PCDHGA5: variants seen among roughly 807,000 people sequenced by gnomAD.
PCDHGA5 encodes the protein protocadherin gamma subfamily A, 5.
PCDHGA5 carries 36 observed loss-of-function variants against 56.7 expected under a neutral mutation model. That is an observed-to-expected ratio of 0.64 (90% CI 0.49 to 0.84). PCDHGA5 has a LOEUF of 0.84. Ranked by LOEUF, PCDHGA5 falls within the 40% of genes least tolerant of loss-of-function variation. The pLI is 0.00. For synonymous variants in PCDHGA5, 563 were observed against 520.2 expected (o/e 1.08, Z -1.12); for missense variants, 1,305 against 1,201.5 (o/e 1.09, Z -1.27).
At chr5:141,480,873 C>T (rs1026513782) in intron 1 of PCDHGA5, among the ~76,000 whole-genome samples, 5 of 152,050 alleles carry the variant, frequency 3.3e-5, no homozygotes, top group Non-Finnish European at 7.4e-5. Context: ...GGTGAAACCC[C>T]GTCTCTACTA....
chr5:141,376,152 C>T, intron 1 of PCDHGA5: 2 of 1,614,026 alleles, frequency 1.2e-6, no homozygotes, highest in Non-Finnish European at 1.7e-6. Context: ...TCGGACCTCA[C>T]TCTGTACCTG....
At chr5:141,503,023 A>AAT (rs2099817696) in intron 2 of PCDHGA5, among the ~76,000 whole-genome samples, 1 of 141,888 alleles carries the variant, frequency 7.0e-6, no homozygotes, top group African/African-American at 2.6e-5. Context: ...TTTTTTTTTT[A>AAT]ATATCTATTT....
chr5:141,374,169 C>A, intron 1 of PCDHGA5: 1 of 1,613,236 alleles, frequency 6.2e-7, no homozygotes, highest in African/African-American at 1.3e-5. Context: ...GCCGCGGCAG[C>A]GCAGATCCGC....
chr5:141,419,591 G>A lies in PCDHGA5; in HGVS notation c.2421+52840G>A, dbSNP rs574335266. The A allele has an allele frequency of 2.2e-5, 35 of 1,611,826 alleles. No individual in the cohort carries two copies. The African/African-American group carries it at 4.0e-4, about 18-fold the overall frequency. On this transcript the variant is annotated intron_variant, in intron 1 of 3. Coordinates refer to ENST00000518069, the MANE Select transcript of PCDHGA5 (RefSeq NM_018918.3). ...CGACGGCTCCGCGCTCTTCGACACA[G>A]TGCCGCGGGCCGCGCAGCCAGGCTA...
Position 141,511,002 on chromosome 5 carries a change from C to A in PCDHGA5, c.2625C>A (p.Ser875Arg), listed in dbSNP as rs143630962. The change falls in exon 4 of 4, where the codon AGC becomes AGA. Residue 875 changes from serine to arginine, a missense_variant. Physicochemically the swap from Ser to Arg is moderately radical, Grantham distance 110. Transcript: ENST00000518069. Reference protein sequence around the residue: ...LGGGAGTMGLSARYGPQFTLQ... With the variant: ...LGGGAGTMGLRARYGPQFTLQ... ...GGGGTGCCGGCACCATGGGATTGAG[C>A]GCCCGCTACGGACCCCAGTTCACCC... The A allele has an allele frequency of 8.7e-6, 14 of 1,614,140 alleles. No homozygotes were observed. The highest frequency in any genetic ancestry group is 1.2e-5 in the Non-Finnish European group (14 of 1,180,018).
intron 1 of PCDHGA5, chr5:141,427,665 G>A (rs763897261): frequency 1.3e-5 from 10 of 782,298 alleles, no homozygotes; most frequent in Admixed American, 3.9e-5. Flanking sequence ...CCACGTGGCC[G>A]AAAACAACCT....
intron 1 of PCDHGA5, among the ~76,000 whole-genome samples, chr5:141,469,489 C>T (rs1013080566): frequency 4.6e-5 from 7 of 151,928 alleles, no homozygotes; most frequent in Middle Eastern, 3.4e-3. Context: ...GCAGGAGAAT[C>T]GCTTGAACCC....
chr5:141,414,723 C>A (rs775890033), intron 1 of PCDHGA5: 2 of 1,614,170 alleles, frequency 1.2e-6, no homozygotes, highest in South Asian at 2.2e-5. Flanking sequence ...CAGACACTGG[C>A]GTCCTGTATG....
rs2094474207 is a variant in PCDHGA5 at position 141,403,989 on chromosome 5, A to C, written c.2421+37238A>C. On this transcript the variant is annotated intron_variant, in intron 1 of 3. Coordinates refer to ENST00000518069, the MANE Select transcript of PCDHGA5 (RefSeq NM_018918.3). ...GAAGATGTAAATGACAATAGACCTG[A>C]AGTGACCATTACATCTCTGTTTAGC... The C allele has an allele frequency of 1.2e-6, 2 of 1,613,868 alleles. No homozygotes were observed. Among genetic ancestry groups the C allele is most frequent in the Middle Eastern group, 1.6e-4 (1 of 6,062 alleles).
chr5:141,404,250 C>A lies in PCDHGA5; in HGVS notation c.2421+37499C>A, dbSNP rs1282621596. 2.5e-6 allele frequency: 4 copies of A among 1,613,886 alleles called. No homozygotes were observed. In the Admixed American group the frequency reaches 5.0e-5, roughly 20 times the overall value. On this transcript the variant is annotated intron_variant, in intron 1 of 3. Coordinates refer to ENST00000518069, the MANE Select transcript of PCDHGA5 (RefSeq NM_018918.3). Reference sequence around the variant, plus strand: ...ACAGACAGAGGAACTCCGCCCCTGTCCACAGAAATTCACATCACCCTGCAA... The same window carrying A: ...ACAGACAGAGGAACTCCGCCCCTGTACACAGAAATTCACATCACCCTGCAA...
At chr5:141,418,310 G>A in intron 1 of PCDHGA5, 1 of 1,613,990 alleles carries the variant, frequency 6.2e-7, no homozygotes, top group Non-Finnish European at 8.5e-7. Context: ...CCTGGGGATG[G>A]GAACAATTCT....
Position 141,476,217 on chromosome 5 carries a change from A to G in PCDHGA5, c.2422-18590A>G. On this transcript the variant is annotated intron_variant, in intron 1 of 3. Coordinates refer to ENST00000518069, the MANE Select transcript of PCDHGA5 (RefSeq NM_018918.3). This position sits in a 1 kb window ranked among gnomAD's most constrained non-coding sequence, Gnocchi z 7.6. ...TTGAACAAGGCTTCCACGGTCATTC[A>G]CTATGAGATCCCGGAGGAAAGAGAG... The G allele has an allele frequency of 6.2e-7, 1 of 1,613,836 alleles. No homozygotes were observed. The highest frequency in any genetic ancestry group is 2.2e-5 in the East Asian group (1 of 44,818).
chr5:141,383,312 T>C (rs1271523069), intron 1 of PCDHGA5: 1 of 1,613,832 alleles, frequency 6.2e-7, no homozygotes, highest in Admixed American at 1.7e-5. Flanking sequence ...ACGGAAGAAA[T>C]AAATGTAAAA....
In PCDHGA5 at chr5:141,489,734, A is replaced by G; in HGVS notation, c.2422-5073A>G. The G allele has an allele frequency of 6.2e-7, 1 of 1,614,164 alleles. No individual in the cohort carries two copies. Among genetic ancestry groups the G allele is most frequent in the Non-Finnish European group, 8.5e-7 (1 of 1,180,028 alleles). On this transcript the variant is annotated intron_variant, in intron 1 of 3. Transcript: ENST00000518069. This position sits in a 1 kb window ranked among gnomAD's most constrained non-coding sequence, Gnocchi z 4.5. ...GCCCAGGATCCGGATGTGGGCACCAATACTGTGAGCTTTTACACTCTAAGC... is the reference window on the plus strand; with the variant it reads ...GCCCAGGATCCGGATGTGGGCACCAGTACTGTGAGCTTTTACACTCTAAGC...
intron 1 of PCDHGA5, chr5:141,403,870 T>A: frequency 6.2e-7 from 1 of 1,613,498 alleles, no homozygotes; most frequent in African/African-American, 1.3e-5. Flanking sequence ...CAGCAAAAAG[T>A]CTAGATTATG....
chr5:141,469,753 T>C (rs564585597), intron 1 of PCDHGA5, among the ~76,000 whole-genome samples: 1 of 152,322 alleles, frequency 6.6e-6, no homozygotes, highest in East Asian at 1.9e-4. Flanking sequence ...ATTACAAAAA[T>C]ACATATATAC....
intron 1 of PCDHGA5, among the ~76,000 whole-genome samples, chr5:141,420,868 G>C (rs1479734969): frequency 6.6e-6 from 1 of 152,222 alleles, no homozygotes; most frequent in Non-Finnish European, 1.5e-5. Context: ...GTCACATAAT[G>C]TAAGTATTGT....
intron 1 of PCDHGA5, chr5:141,416,504 C>G (rs966090979): frequency 1.3e-5 from 2 of 152,040 alleles, no homozygotes; most frequent in African/African-American, 4.8e-5. Flanking sequence ...AGATATATGA[C>G]AAAGCTATTT....
chr5:141,389,784 G>C (rs1380763543), intron 1 of PCDHGA5: 2 of 1,613,318 alleles, frequency 1.2e-6, no homozygotes, highest in South Asian at 2.2e-5. Flanking sequence ...AGGCGACAGG[G>C]ACGCCGTCCG....
Sources: allele counts gnomAD v4.1 joint callset (sites outside exome capture counted in the v4.1 genomes callset), GRCh38; gene constraint gnomAD v4.1.1; non-coding constraint Gnocchi (gnomAD v3.1); transcripts MANE v1.5; gene names NCBI Gene and HGNC (gene_info 2026-07-23, HGNC 2026-07-21).